C16orf74: variants seen among roughly 807,000 people sequenced by gnomAD.
C16orf74 encodes calcimembrin, also known as uncharacterized protein C16orf74.
Under a neutral mutation model 6.5 loss-of-function variants are expected in C16orf74, and 10 were observed. The observed-to-expected ratio is 1.54, with a 90% CI of 0.95 to 2.61. The LOEUF is 2.61. Among genes scored for constraint, C16orf74 ranks in the 30% most tolerant of loss-of-function variants. The probability of loss-of-function intolerance (pLI) is 0.00; values close to 1 mark genes in which losing one functional copy is unlikely to be tolerated. For synonymous variants in C16orf74, 60 were observed against 42.5 expected (o/e 1.41, Z -1.60); for missense variants, 141 against 105.9 (o/e 1.33, Z -1.45).
chr16:85,715,434 G>C (rs2054013803), intron 2 of C16orf74, among the ~76,000 whole-genome samples: 1 of 152,190 alleles, frequency 6.6e-6, no homozygotes, highest in Non-Finnish European at 1.5e-5. Context: ...TGAACAGCTA[G>C]TGGGAGGCAG....
chr16:85,719,962 C>T (rs2054066271), intron 2 of C16orf74, among the ~76,000 whole-genome samples: 2 of 152,192 alleles, frequency 1.3e-5, no homozygotes, highest in African/African-American at 4.8e-5. Flanking sequence ...GACACTAATC[C>T]CTCAGAGATG....
intron 1 of C16orf74, among the ~76,000 whole-genome samples, chr16:85,744,633 A>G (rs975437019): frequency 8.6e-5 from 13 of 151,904 alleles, no homozygotes; most frequent in East Asian, 1.9e-4. Flanking sequence ...GATCGAGACC[A>G]TCCTGGCTAA....
chr16:85,708,115 A>C, intron 3 of C16orf74, 49 bp from the exon 4 acceptor site: 1 of 1,461,428 alleles, frequency 6.8e-7, no homozygotes, highest in Non-Finnish European at 9.4e-7. Flanking sequence ...CCCCCACCAC[A>C]CCAAGCCCCG....
intron 2 of C16orf74, among the ~76,000 whole-genome samples, chr16:85,723,549 G>T (rs1239697463): frequency 2.0e-5 from 3 of 152,214 alleles, no homozygotes; most frequent in African/African-American, 7.2e-5. Context: ...TGGGGTGAGT[G>T]GAAGGGGCTG....
intron 1 of C16orf74, among the ~76,000 whole-genome samples, chr16:85,748,164 A>ATATATATATGTG (rs2054395594): frequency 3.7e-5 from 2 of 54,196 alleles, no homozygotes; most frequent in African/African-American, 1.1e-4. Flanking sequence ...ATATATGTGT[A>ATATATATATGTG]TATATATATA....
intron 1 of C16orf74, among the ~76,000 whole-genome samples, chr16:85,749,702 T>G (rs946566870): frequency 3.9e-5 from 6 of 152,238 alleles, no homozygotes; most frequent in Non-Finnish European, 8.8e-5. Flanking sequence ...GAACTATCAG[T>G]GCGCTCTTCT....
chr16:85,707,894 C>T lies in C16orf74; in HGVS notation c.*114G>A, dbSNP rs371280589. ...GTCTCTCTGAGCGGAGGCCCGGGTTCGCTCAGTTCCCATCCAGGGTATTCA... is the reference window on the plus strand; with the variant it reads ...GTCTCTCTGAGCGGAGGCCCGGGTTTGCTCAGTTCCCATCCAGGGTATTCA... On this transcript the variant is annotated 3_prime_UTR_variant, in exon 4 of 4. Transcript: ENST00000284245. 8.8e-5 allele frequency: 74 copies of T among 839,438 alleles called. 3 individuals carry two copies. Among genetic ancestry groups the T allele is most frequent in the East Asian group, 3.7e-4 (14 of 37,354 alleles). The allele number at this position is 839,438 out of a possible 1,614,324, so 52.0% of individuals were successfully genotyped here.
intron 2 of C16orf74, chr16:85,710,995 G>C (rs1347156162): frequency 6.6e-6 from 1 of 152,222 alleles, no homozygotes; most frequent in Non-Finnish European, 1.5e-5. Context: ...GCATGCTCGA[G>C]ACAGAGTAAG....
intron 1 of C16orf74, among the ~76,000 whole-genome samples, chr16:85,747,050 G>A (rs1036225374): frequency 6.7e-6 from 1 of 150,284 alleles, no homozygotes; most frequent in Admixed American, 6.6e-5. Context: ...GAAACAGGAT[G>A]GGGTGGAGGC....
chr16:85,733,132 C>T (rs2054207992), intron 2 of C16orf74, among the ~76,000 whole-genome samples: 1 of 152,126 alleles, frequency 6.6e-6, no homozygotes, highest in Non-Finnish European at 1.5e-5. Flanking sequence ...GACACAATCG[C>T]CAAAAGGTGG....
intron 2 of C16orf74, among the ~76,000 whole-genome samples, chr16:85,714,436 T>A (rs887326772): frequency 6.8e-6 from 1 of 146,274 alleles, no homozygotes; most frequent in Non-Finnish European, 1.5e-5. Context: ...TTATTTATTT[T>A]TGAGACGGAG....
intron 1 of C16orf74, among the ~76,000 whole-genome samples, chr16:85,735,753 C>G: frequency 6.6e-6 from 1 of 151,524 alleles, no homozygotes; most frequent in East Asian, 1.9e-4. Flanking sequence ...ACGTGTGGCC[C>G]CCCCAGCCCA....
chr16:85,720,250 G>A (rs1225774249), intron 2 of C16orf74, among the ~76,000 whole-genome samples: 4 of 152,308 alleles, frequency 2.6e-5, no homozygotes, highest in Middle Eastern at 6.8e-3. Context: ...GACAACCTGA[G>A]AGGAGCTAGA....
At chr16:85,736,095 G>C (rs2054241791) in intron 1 of C16orf74, among the ~76,000 whole-genome samples, 1 of 152,178 alleles carries the variant, frequency 6.6e-6, no homozygotes, top group South Asian at 2.1e-4. Context: ...AGATCCAGAG[G>C]AAGATAAAGC....
intron 1 of C16orf74, among the ~76,000 whole-genome samples, chr16:85,742,137 C>A (rs866063440): frequency 1.3e-5 from 2 of 152,160 alleles, no homozygotes. Context: ...CTGTGGGAGG[C>A]TGAGGTGGCT....
intron 2 of C16orf74, among the ~76,000 whole-genome samples, chr16:85,720,650 C>A (rs2054072849): frequency 6.6e-6 from 1 of 151,834 alleles, no homozygotes; most frequent in South Asian, 2.1e-4. Context: ...GTGATGTGCA[C>A]CTGTAGTCCC....
chr16:85,717,840 C>T (rs1342263765), intron 2 of C16orf74, among the ~76,000 whole-genome samples: 1 of 152,186 alleles, frequency 6.6e-6, no homozygotes, highest in African/African-American at 2.4e-5. Flanking sequence ...GGCCCCACTG[C>T]CCTCACCATT....
chr16:85,737,433 C>T (rs760558491), intron 1 of C16orf74, among the ~76,000 whole-genome samples: 4 of 152,170 alleles, frequency 2.6e-5, no homozygotes, highest in South Asian at 2.1e-4. Context: ...TTAGGTAACT[C>T]GCACCTGTCA....
At chr16:85,713,377 A>C (rs1285062778) in intron 2 of C16orf74, among the ~76,000 whole-genome samples, 1 of 151,986 alleles carries the variant, frequency 6.6e-6, no homozygotes, top group Non-Finnish European at 1.5e-5. Context: ...GTTCAAACAA[A>C]ATCTCCTGTC....
Sources: allele counts gnomAD v4.1 joint callset (sites outside exome capture counted in the v4.1 genomes callset), GRCh38; gene constraint gnomAD v4.1.1; transcripts MANE v1.5; gene names NCBI Gene and HGNC (gene_info 2026-07-23, HGNC 2026-07-21).